Variants in HMCN1 observed in about 807,000 individuals in gnomAD.
HMCN1 encodes hemicentin 1, also known as hemicentin-1.
HMCN1 carries 321 observed loss-of-function variants against 625.9 expected under a neutral mutation model. That is an observed-to-expected ratio of 0.51 (90% CI 0.47 to 0.56). The LOEUF (loss-of-function observed/expected upper bound fraction) is 0.56, where lower values mean the gene tolerates loss of function less well. Among genes scored for constraint, HMCN1 ranks in the 20% least tolerant of loss-of-function variants. HMCN1 has a pLI of 0.00. For synonymous variants in HMCN1, 2,425 were observed against 2,417.6 expected (o/e 1.00, Z -0.09); for missense variants, 6,588 against 6,887.3 (o/e 0.96, Z 1.54).
intron 25 of HMCN1, among the ~76,000 whole-genome samples, chr1:185,999,618 T>C (rs1245136545): frequency 6.6e-6 from 1 of 152,142 alleles, no homozygotes; most frequent in Non-Finnish European, 1.5e-5. Context: ...ATATCATATA[T>C]ACACTCTATT....
chr1:185,763,211 G>A (rs530086953), intron 1 of HMCN1, among the ~76,000 whole-genome samples: 94 of 152,248 alleles, frequency 6.2e-4, no homozygotes, highest in Admixed American at 1.4e-3. Flanking sequence ...GGCACATGGC[G>A]ACATTAAAGC....
intron 1 of HMCN1, among the ~76,000 whole-genome samples, chr1:185,801,439 A>C (rs1658786487): frequency 2.0e-5 from 3 of 152,180 alleles, no homozygotes; most frequent in Admixed American, 2.0e-4. Flanking sequence ...TATTCAACAA[A>C]CACTGAGCTT....
intron 30 of HMCN1, among the ~76,000 whole-genome samples, chr1:186,011,476 G>A (rs1057398273): frequency 1.3e-5 from 2 of 152,184 alleles, no homozygotes; most frequent in African/African-American, 4.8e-5. Context: ...TGCTTGGAAG[G>A]CATTACAGAA....
chr1:185,885,552 G>C (rs905182493), intron 4 of HMCN1, among the ~76,000 whole-genome samples: 2 of 150,294 alleles, frequency 1.3e-5, no homozygotes, highest in African/African-American at 4.9e-5. Flanking sequence ...CCACTAGTAT[G>C]ATTGCACTAC....
intron 1 of HMCN1, among the ~76,000 whole-genome samples, chr1:185,799,427 G>T (rs989918623): frequency 3.9e-5 from 6 of 152,188 alleles, no homozygotes; most frequent in Non-Finnish European, 8.8e-5. Context: ...CAGAGTGGGG[G>T]TGAAGTTAGT....
chr1:186,068,868 C>CAAAAAAAAAAAAAAAAAAAAAAAAAA (rs397862240), intron 50 of HMCN1, among the ~76,000 whole-genome samples: 2 of 76,774 alleles, frequency 2.6e-5, no homozygotes, highest in African/African-American at 5.5e-5. Context: ...GACTCGGTCT[C>CAAAAAAAAAAAAAAAAAAAAAAAAAA]AAAAAAAAAA....
chr1:185,906,948 TC>T (rs1666128719), intron 4 of HMCN1, among the ~76,000 whole-genome samples: 2 of 146,310 alleles, frequency 1.4e-5, no homozygotes, highest in South Asian at 4.2e-4. Context: ...AACAATCCTT[TC>T]TATTTTTTTT....
intron 1 of HMCN1, among the ~76,000 whole-genome samples, chr1:185,845,287 G>C (rs1023869478): frequency 6.6e-5 from 10 of 151,842 alleles, no homozygotes; most frequent in African/African-American, 2.4e-4. Flanking sequence ...GCATGAACTC[G>C]GCTCACTGCA....
At position 185,997,487 on chromosome 1, in the gene HMCN1, G is replaced by T. The variant is rs1652875989; in HGVS notation, c.3837G>T (p.Val1279=). ...PPYNTTFQER[V]ANQRIEFPCP... is the part of the protein sequence containing the mutation. ...ATAACACTACTTTCCAAGAAAGAGTGGCCAATCAACGCATTGAATTTCCAT... is the reference window on the plus strand; with the variant it reads ...ATAACACTACTTTCCAAGAAAGAGTTGCCAATCAACGCATTGAATTTCCAT... Residue 1279 remains valine, a synonymous_variant, in exon 25 of 107, where the codon GTG becomes GTT. Transcript: ENST00000271588. 2 of 1,612,722 alleles carry T rather than the reference G, an allele frequency of 1.2e-6. No individual in the cohort carries two copies. The highest frequency in any genetic ancestry group is 1.3e-5 in the African/African-American group (1 of 74,970).
chr1:186,104,834 G>A (rs1660539218), intron 69 of HMCN1, among the ~76,000 whole-genome samples: 1 of 152,064 alleles, frequency 6.6e-6, no homozygotes, highest in African/African-American at 2.4e-5. Context: ...TTAGAGTCAG[G>A]TTAAACTAAA....
intron 36 of HMCN1, among the ~76,000 whole-genome samples, chr1:186,033,920 G>A (rs948691135): frequency 1.4e-4 from 21 of 151,784 alleles, no homozygotes; most frequent in African/African-American, 5.1e-4. Context: ...GTTGTGTCTT[G>A]ATTCATTAGT....
intron 106 of HMCN1, 23 bp from the exon 107 acceptor site, chr1:186,189,489 T>G: frequency 6.2e-7 from 1 of 1,611,734 alleles, no homozygotes; most frequent in Non-Finnish European, 8.5e-7. Flanking sequence ...ACTATGTGTA[T>G]TTGATATGTT....
At chr1:186,160,453 C>T (rs61831320) in intron 97 of HMCN1, among the ~76,000 whole-genome samples, 16,246 of 146,796 alleles carry the variant, frequency 0.11, 1,101 homozygotes, top group Middle Eastern at 0.21. Flanking sequence ...TATTTCTTGC[C>T]TTCTGCTAGC....
intron 72 of HMCN1, 127 bp downstream of exon 72, chr1:186,113,080 C>T (rs1454469460): frequency 2.9e-6 from 3 of 1,036,514 alleles, no homozygotes; most frequent in Non-Finnish European, 4.3e-6. Flanking sequence ...TTGAAAAAGG[C>T]AACGTGGAGT....
chr1:186,069,200 TGAATTAA>T (rs1658328597), intron 50 of HMCN1, among the ~76,000 whole-genome samples: 1 of 152,220 alleles, frequency 6.6e-6, no homozygotes, highest in South Asian at 2.1e-4. Flanking sequence ...TTTGAATGCC[TGAATTAA>T]GAATTAAGAG....
chr1:185,769,791 G>A (rs1285178582), intron 1 of HMCN1, among the ~76,000 whole-genome samples: 1 of 152,154 alleles, frequency 6.6e-6, no homozygotes, highest in Non-Finnish European at 1.5e-5. Context: ...GCTCTAGGAT[G>A]ACCTCAGCTG....
chr1:185,977,749 A>G (rs1480488041), intron 15 of HMCN1, 38 bp from the exon 16 acceptor site: 1 of 1,282,538 alleles, frequency 7.8e-7, no homozygotes, highest in African/African-American at 1.5e-5. Flanking sequence ...CCTGTATAAT[A>G]TACCGATGAC....
At chr1:186,116,100 C>G (rs1054981881) in intron 75 of HMCN1, among the ~76,000 whole-genome samples, 2 of 152,072 alleles carry the variant, frequency 1.3e-5, no homozygotes, top group African/African-American at 4.8e-5. Flanking sequence ...AAATATAAAA[C>G]TAGGAGTGCT....
In HMCN1 at chr1:186,019,476, A is replaced by C; in HGVS notation, c.5471-65A>C. On this transcript the variant is annotated intron_variant, in intron 34 of 106. Coordinates refer to ENST00000271588, the MANE Select transcript of HMCN1 (RefSeq NM_031935.3). ...ATTTTAAGGTTTCAGGTTCTTGCAT[A>C]CATATTTTTAAGTTCGACCTCACTG... 3 of 1,166,428 alleles carry C rather than the reference A, an allele frequency of 2.6e-6. No homozygotes were observed. The South Asian group carries it at 3.7e-5, about 14-fold the overall frequency. 72.3% of individuals were successfully genotyped at this position (1,166,428 alleles called of 1,614,324 possible). A position where few individuals can be genotyped will look rare whatever the true frequency, so the allele number is the denominator to read the frequency against.
Sources: gnomAD v4.1 joint callset for allele counts (sites outside exome capture counted in the v4.1 genomes callset) on GRCh38, gnomAD v4.1.1 for gene constraint, MANE v1.5 for transcripts, NCBI Gene and HGNC (gene_info 2026-07-23, HGNC 2026-07-21) for gene names.